ADGRB2: variants seen among roughly 807,000 people sequenced by gnomAD.
The protein encoded by ADGRB2 is adhesion G protein-coupled receptor B2.
ADGRB2 carries 47 observed loss-of-function variants against 178.7 expected under a neutral mutation model. That is an observed-to-expected ratio of 0.26 (90% CI 0.21 to 0.34). The LOEUF is 0.34. ADGRB2 is among the 10% of genes least tolerant of loss of function. The probability of loss-of-function intolerance (pLI) is 1.00; values close to 1 mark genes in which losing one functional copy is unlikely to be tolerated. For missense variants in ADGRB2, 1,584 were observed against 2,180.8 expected (o/e 0.73, Z 5.45); for synonymous variants, 870 against 912.4 (o/e 0.95, Z 0.84).
At chr1:31,751,202 G>A (rs1646552897) in intron 4 of ADGRB2, among the ~76,000 whole-genome samples, 1 of 152,208 alleles carries the variant, frequency 6.6e-6, no homozygotes, top group Admixed American at 6.5e-5. Flanking sequence ...CCCTTGCACA[G>A]GCTGTTTCCT....
In ADGRB2 at chr1:31,735,348, T is replaced by C. The variant is rs1027506545; in HGVS notation, c.3354-67A>G. 47 of 1,161,904 alleles carry C rather than the reference T, an allele frequency of 4.0e-5. No individual in the cohort carries two copies. Among genetic ancestry groups the C allele is most frequent in the Non-Finnish European group, 5.0e-5 (41 of 823,438 alleles). 72.0% of individuals were successfully genotyped at this position (1,161,904 alleles called of 1,614,324 possible). A position where few individuals can be genotyped will look rare whatever the true frequency, so the allele number is the denominator to read the frequency against. On this transcript the variant is annotated intron_variant, in intron 24 of 32. Coordinates refer to ENST00000373658, the MANE Select transcript of ADGRB2 (RefSeq NM_001364857.2). The surrounding 1 kb of genome is among the most constrained non-coding windows in gnomAD (Gnocchi z 6.0). ...TGGGAAGCCGGGAGATGGGGCAGAA[T>C]GAGCCCCGAGTGGGGTGGGAGGGGA...
Position 31,735,066 on chromosome 1 carries a change from G to A in ADGRB2, c.3452+117C>T. 2 of 1,037,530 alleles carry A rather than the reference G, an allele frequency of 1.9e-6. No individual in the cohort carries two copies. The highest frequency in any genetic ancestry group is 2.6e-6 in the Non-Finnish European group (2 of 767,656). The allele number at this position is 1,037,530 out of a possible 1,614,324, so 64.3% of individuals were successfully genotyped here. A position where few individuals can be genotyped will look rare whatever the true frequency, so the allele number is the denominator to read the frequency against. ...GAGTGTGTGGTGGCTGGCAGGAAAG[G>A]GCAAGCTTTCCAGGGCACTGGGCTG... is the stretch of plus-strand genomic sequence containing the variant. On this transcript the variant is annotated intron_variant, in intron 25 of 32. Coordinates refer to ENST00000373658, the MANE Select transcript of ADGRB2 (RefSeq NM_001364857.2). The surrounding 1 kb of genome is among the most constrained non-coding windows in gnomAD (Gnocchi z 6.0).
chr1:31,752,715 A>G (rs1002504001), intron 4 of ADGRB2, among the ~76,000 whole-genome samples: 6 of 152,002 alleles, frequency 3.9e-5, no homozygotes, highest in Non-Finnish European at 8.8e-5. Flanking sequence ...TGGGGCTTGG[A>G]CACCAGGCTG....
In ADGRB2 at chr1:31,756,664, A is replaced by G; in HGVS notation, c.173T>C (p.Phe58Ser). The change falls in exon 4 of 33, where the codon TTT (phenylalanine) becomes TCT (serine). Residue 58 changes from phenylalanine (F) to serine (S), a missense_variant. Around this residue, in one of 3 missense-constraint regions of ADGRB2, gnomAD observed 657 missense variants for 847.6 expected, o/e 0.78. Transcript: ENST00000373658. This position sits in a 1 kb window ranked among gnomAD's most constrained non-coding sequence, Gnocchi z 8.5. ...GGAGCAGCCCGAGGCGATGGTAGGA[A>G]AGAGGTCCTGCAGCGAGAAGGCCCC... Reference protein sequence around the residue: ...LYGAFSLQDLFPTIASGCSWT... With the variant: ...LYGAFSLQDLSPTIASGCSWT... The G allele has an allele frequency of 6.2e-7, 1 of 1,609,448 alleles. No homozygotes were observed.
At position 31,733,208 on chromosome 1, in the gene ADGRB2, GCCTCCACT is replaced by G; in HGVS notation, c.3453-73_3453-66del. Reference sequence around the variant, plus strand: ...GGGGGACAGGATGGCTTGAGCCTAGGCCTCCACTCAGCTGGAGCTCTTCAGCTGCCCAA... The same window carrying G: ...GGGGGACAGGATGGCTTGAGCCTAGGCAGCTGGAGCTCTTCAGCTGCCCAA... On this transcript the variant is annotated intron_variant, in intron 25 of 32. Coordinates refer to ENST00000373658, the MANE Select transcript of ADGRB2 (RefSeq NM_001364857.2). The surrounding 1 kb of genome is among the most constrained non-coding windows in gnomAD (Gnocchi z 4.3). 6.6e-7 allele frequency: 1 copy of G among 1,510,848 alleles called. No individual in the cohort carries two copies. Among genetic ancestry groups the G allele is most frequent in the Admixed American group, 2.0e-5 (1 of 49,816 alleles). The allele number at this position is 1,510,848 out of a possible 1,614,324, so 93.6% of individuals were successfully genotyped here.
At chr1:31,760,264 G>A (rs1488567192) in intron 1 of ADGRB2, among the ~76,000 whole-genome samples, 1 of 152,098 alleles carries the variant, frequency 6.6e-6, no homozygotes, top group African/African-American at 2.4e-5. Flanking sequence ...AGATGGGTGC[G>A]GAGCTGGCTG....
intron 14 of ADGRB2, 138 bp from the exon 15 acceptor site, chr1:31,739,773 G>A: frequency 8.3e-7 from 1 of 1,200,244 alleles, no homozygotes; most frequent in African/African-American, 1.5e-5. Context: ...CAAACACAGA[G>A]ACAGACATAC....
rs769012141 is a variant in ADGRB2, at chr1:31,728,301, G to A, written c.4417-21C>T. On this transcript the variant is annotated intron_variant, in intron 30 of 32. Transcript: ENST00000373658. This position sits in a 1 kb window ranked among gnomAD's most constrained non-coding sequence, Gnocchi z 6.7. ...ACCTTCTAGGGGCCACAGGGCATCA[G>A]AGGGTCGCTCCCCGGGGCAGCACCA... is the stretch of plus-strand genomic sequence containing the variant. The A allele has an allele frequency of 6.2e-7, 1 of 1,610,774 alleles. No individual in the cohort carries two copies. Among genetic ancestry groups the A allele is most frequent in the South Asian group, 1.1e-5 (1 of 90,974 alleles).
Position 31,744,060 on chromosome 1 carries a change from C to T in ADGRB2, c.1087+133G>A. ...GGCTGGCATGGTACGCAGAGTTGGG[C>T]ATGGTGTGGGGAACAGCCACATTTG... On this transcript the variant is annotated intron_variant, in intron 6 of 32. Coordinates refer to ENST00000373658, the MANE Select transcript of ADGRB2 (RefSeq NM_001364857.2). This position sits in a 1 kb window ranked among gnomAD's most constrained non-coding sequence, Gnocchi z 6.7. 1 of 1,198,040 alleles carries T rather than the reference C, an allele frequency of 8.3e-7. No individual in the cohort carries two copies. The highest frequency in any genetic ancestry group is 1.1e-6 in the Non-Finnish European group (1 of 873,254). 74.2% of individuals were successfully genotyped at this position (1,198,040 alleles called of 1,614,324 possible). A position where few individuals can be genotyped will look rare whatever the true frequency, so the allele number is the denominator to read the frequency against.
At chr1:31,736,819 C>A in intron 20 of ADGRB2, 96 bp from the exon 21 acceptor site, 2 of 1,490,226 alleles carry the variant, frequency 1.3e-6, no homozygotes, top group Non-Finnish European at 1.8e-6. Context: ...CTGCCACAGC[C>A]GCCCACCTGA....
Position 31,737,682 on chromosome 1 carries a change from G to A in ADGRB2, c.2846C>T (p.Thr949Ile). The change falls in exon 19 of 33, where the codon ACC (threonine) becomes ATC (isoleucine). Residue 949 changes from threonine to isoleucine, a missense_variant. Around this residue, in one of 3 missense-constraint regions of ADGRB2, gnomAD observed 865 missense variants for 1,192.8 expected, o/e 0.73. Coordinates refer to ENST00000373658, the MANE Select transcript of ADGRB2 (RefSeq NM_001364857.2). ...GCAVSCMALLTLLAIYAAFWR... is the reference protein window; with the variant it reads ...GCAVSCMALLILLAIYAAFWR... ...AAAGGCGGCATAGATGGCGAGCAGGGTGAGCAGCGCCATGCACGACACTGC... is the reference window on the plus strand; with the variant it reads ...AAAGGCGGCATAGATGGCGAGCAGGATGAGCAGCGCCATGCACGACACTGC... The A allele has an allele frequency of 6.2e-7, 1 of 1,613,796 alleles. No homozygotes were observed. The highest frequency in any genetic ancestry group is 1.1e-5 in the South Asian group (1 of 91,082).
chr1:31,748,418 G>C (rs1457290571), intron 4 of ADGRB2, among the ~76,000 whole-genome samples: 2 of 152,260 alleles, frequency 1.3e-5, no homozygotes, highest in African/African-American at 4.8e-5. Flanking sequence ...CCCACACAGG[G>C]GAAGGCTGGT....
chr1:31,732,474 G>T (rs759359099), intron 27 of ADGRB2, 43 bp downstream of exon 27: 1 of 1,599,308 alleles, frequency 6.3e-7, no homozygotes, highest in East Asian at 2.2e-5. Flanking sequence ...GGGGTGGGGG[G>T]TGCCCAGAAT....
In ADGRB2 at chr1:31,727,844, C is replaced by T; in HGVS notation, c.4572+181G>A. ...CACTCTCCCTCCCAATCCTGGAGGA[C>T]CTCCACCCCTGTTCGCCATCTGCAG... On this transcript the variant is annotated intron_variant, in intron 32 of 32. Coordinates refer to ENST00000373658, the MANE Select transcript of ADGRB2 (RefSeq NM_001364857.2). The surrounding 1 kb of genome is among the most constrained non-coding windows in gnomAD (Gnocchi z 4.4). 2.1e-6 allele frequency: 2 copies of T among 932,528 alleles called. No individual in the cohort carries two copies. Among genetic ancestry groups the T allele is most frequent in the South Asian group, 1.8e-5 (1 of 56,898 alleles). The allele number at this position is 932,528 out of a possible 1,614,324, so 57.8% of individuals were successfully genotyped here. A position where few individuals can be genotyped will look rare whatever the true frequency, so the allele number is the denominator to read the frequency against.
Position 31,739,722 on chromosome 1 carries a change from A to T in ADGRB2, c.2168-87T>A. 6 of 1,436,186 alleles carry T rather than the reference A, an allele frequency of 4.2e-6. No individual in the cohort carries two copies. The South Asian group carries it at 5.4e-5, about 13-fold the overall frequency. 89.0% of individuals were successfully genotyped at this position (1,436,186 alleles called of 1,614,324 possible). Reference sequence around the variant, plus strand: ...AGGGGAAGAGACAGATGTAGGGGAAACACGTACCAGGAAAGGTAGATGTGG... The same window carrying T: ...AGGGGAAGAGACAGATGTAGGGGAATCACGTACCAGGAAAGGTAGATGTGG... On this transcript the variant is annotated intron_variant, in intron 14 of 32. Transcript: ENST00000373658.
intron 1 of ADGRB2, 123 bp downstream of exon 1, chr1:31,763,760 TG>T: frequency 3.1e-6 from 3 of 978,072 alleles, no homozygotes; most frequent in Non-Finnish European, 3.6e-6. Flanking sequence ...CAGTTCGGGC[TG>T]GGGGAGAATT....
At position 31,744,378 on chromosome 1, in the gene ADGRB2, C is replaced by G; in HGVS notation, c.923-21G>C. On this transcript the variant is annotated intron_variant, in intron 5 of 32. Coordinates refer to ENST00000373658, the MANE Select transcript of ADGRB2 (RefSeq NM_001364857.2). The surrounding 1 kb of genome is among the most constrained non-coding windows in gnomAD (Gnocchi z 6.7). Reference sequence around the variant, plus strand: ...GTCGCCTACGAGAGAGGGACAGCGTCGGCGGCAGGGGGCACCTCCCAAGCA... The same window carrying G: ...GTCGCCTACGAGAGAGGGACAGCGTGGGCGGCAGGGGGCACCTCCCAAGCA... 1.3e-6 allele frequency: 2 copies of G among 1,547,642 alleles called. No individual in the cohort carries two copies. The highest frequency in any genetic ancestry group is 1.7e-6 in the Non-Finnish European group (2 of 1,146,284).
In ADGRB2 at chr1:31,739,569, C is replaced by A. The variant is rs779293709; in HGVS notation, c.2234G>T (p.Arg745Leu). ...CCGCACCCAGTCCTTCATGCCCCGG[C>A]GGCCCCGCATGGGGAACGTGATGTC... The part of the protein sequence containing the change: ...SSDITFPMRG[R>L]RGMKDWVRHS... Residue 745 changes from arginine (R) to leucine (L), a missense_variant, in exon 15 of 33, where the codon CGC (arginine) becomes CTC (leucine). Arg to Leu is a moderately radical substitution (Grantham distance 102, BLOSUM62 -2). This residue lies in a region of ADGRB2 where 865 missense variants were observed against 1,192.8 expected (regional missense o/e 0.73). Coordinates refer to ENST00000373658, the MANE Select transcript of ADGRB2 (RefSeq NM_001364857.2). 2 of 1,611,544 alleles carry A rather than the reference C, an allele frequency of 1.2e-6. No individual in the cohort carries two copies. The highest frequency in any genetic ancestry group is 1.7e-5 in the Admixed American group (1 of 59,872).
chr1:31,757,791 T>A (rs1327707761), intron 1 of ADGRB2, among the ~76,000 whole-genome samples: 1 of 152,160 alleles, frequency 6.6e-6, no homozygotes, highest in Non-Finnish European at 1.5e-5. Flanking sequence ...CAAGGCTAGT[T>A]CATTCAGCTT....
Sources: allele counts gnomAD v4.1 joint callset (sites outside exome capture counted in the v4.1 genomes callset), GRCh38; gene constraint gnomAD v4.1.1; regional missense constraint gnomAD v4.1.1; non-coding constraint Gnocchi (gnomAD v3.1); transcripts MANE v1.5; gene names NCBI Gene and HGNC (gene_info 2026-07-23, HGNC 2026-07-21).